The following ACTN4 variants were observed in gnomAD, a reference collection of about 807,000 sequenced individuals.
ACTN4 encodes the protein actinin alpha 4.
A neutral mutation model predicts 114.2 loss-of-function variants in ACTN4; 18 were observed. The observed-to-expected ratio is 0.16, with a 90% CI of 0.11 to 0.23. ACTN4 has a LOEUF of 0.23. Ranked by LOEUF, ACTN4 falls within the 10% of genes least tolerant of loss-of-function variation. The pLI is 1.00. For synonymous variants in ACTN4, 515 were observed against 506.3 expected (o/e 1.02, Z -0.23); for missense variants, 722 against 1,262.9 (o/e 0.57, Z 6.49).
rs1432259087 is a variant in ACTN4, at chr19:38,709,417, A to G, written c.674A>G (p.Asn225Ser). ...LRKDDPVTNL[N>S]NAFEVAEKYL... ...TAGGACGACCCTGTCACCAACCTGA[A>G]CAATGCCTTCGAAGTGGCTGAGAAA... is the stretch of plus-strand genomic sequence containing the variant. The change falls in exon 7 of 21, where the codon AAC becomes AGC. Residue 225 changes from asparagine (N) to serine (S), a missense_variant. This residue lies in a region of ACTN4 where 127 missense variants were observed against 311.3 expected (regional missense o/e 0.41). Transcript: ENST00000252699. 6.2e-7 allele frequency: 1 copy of G among 1,614,036 alleles called. No individual in the cohort carries two copies. The highest frequency in any genetic ancestry group is 8.5e-7 in the Non-Finnish European group (1 of 1,180,018).
Position 38,727,125 on chromosome 19 carries a change from C to T in ACTN4, c.2337+22C>T, listed in dbSNP as rs1415497516. 6.3e-5 allele frequency: 101 copies of T among 1,613,378 alleles called. 1 individual carries two copies. Among genetic ancestry groups the T allele is most frequent in the Non-Finnish European group, 8.3e-5 (98 of 1,179,920 alleles). ...CAAGGTGAGCAGCCTGCCACCTCCTCGGCCTCTCCCCTCCCGCCGTTGCCG... is the reference window on the plus strand; with the variant it reads ...CAAGGTGAGCAGCCTGCCACCTCCTTGGCCTCTCCCCTCCCGCCGTTGCCG... On this transcript the variant is annotated intron_variant, in intron 18 of 20. Coordinates refer to ENST00000252699, the MANE Select transcript of ACTN4 (RefSeq NM_004924.6). This position sits in a 1 kb window ranked among gnomAD's most constrained non-coding sequence, Gnocchi z 5.4.
chr19:38,708,879 A>C (rs1968549362), intron 6 of ACTN4, among the ~76,000 whole-genome samples: 1 of 152,210 alleles, frequency 6.6e-6, no homozygotes, highest in African/African-American at 2.4e-5. Context: ...CGTTCCAGCC[A>C]CAGTGAGCAA....
chr19:38,651,946 C>T (rs1260295629), intron 1 of ACTN4, among the ~76,000 whole-genome samples: 1 of 152,078 alleles, frequency 6.6e-6, no homozygotes, highest in Non-Finnish European at 1.5e-5. Context: ...GTTGGCCAGG[C>T]TGGTCTGAAA....
intron 1 of ACTN4, among the ~76,000 whole-genome samples, chr19:38,692,562 C>T (rs560712458): frequency 1.6e-3 from 237 of 152,336 alleles, no homozygotes; most frequent in Non-Finnish European, 2.9e-3. Context: ...AACCCAGATT[C>T]CAGAAGGCTT....
intron 1 of ACTN4, among the ~76,000 whole-genome samples, chr19:38,680,144 G>T (rs1967510730): frequency 6.7e-6 from 1 of 149,344 alleles, no homozygotes; most frequent in African/African-American, 2.5e-5. Context: ...TGAGGTCTTT[G>T]ATGGAGCAAC....
chr19:38,686,344 C>T (rs1228525925), intron 1 of ACTN4, among the ~76,000 whole-genome samples: 1 of 152,196 alleles, frequency 6.6e-6, no homozygotes, highest in East Asian at 1.9e-4. Context: ...TTTGAAAGAT[C>T]AAAGTTTAAA....
In ACTN4 at chr19:38,658,582, G is replaced by A. The variant is rs187642005; in HGVS notation, c.162+10675G>A. Among the ~76,000 whole-genome samples, 196 of 152,252 alleles carry A rather than the reference G, an allele frequency of 1.3e-3. 4 individuals are homozygous for A. The South Asian group carries it at 0.027, about 21-fold the overall frequency. ...ACAAAGTGCTTCTTTGGCTGTTACT[G>A]GTATGCCTTGCATTTGGAAGGGTCA... On this transcript the variant is annotated intron_variant, in intron 1 of 20. Coordinates refer to ENST00000252699, the MANE Select transcript of ACTN4 (RefSeq NM_004924.6).
chr19:38,673,747 ATATATATT>A (rs1568691116), intron 1 of ACTN4, among the ~76,000 whole-genome samples: 17 of 88,312 alleles, frequency 1.9e-4, no homozygotes, highest in Admixed American at 4.4e-4. Flanking sequence ...TTATATATTT[ATATATATT>A]TTTATATATA....
intron 7 of ACTN4, among the ~76,000 whole-genome samples, chr19:38,710,053 T>G (rs1481541126): frequency 6.6e-6 from 1 of 152,124 alleles, no homozygotes; most frequent in East Asian, 1.9e-4. Flanking sequence ...GGCCTCATTT[T>G]AATCCGCTTC....
intron 1 of ACTN4, among the ~76,000 whole-genome samples, chr19:38,668,959 C>T (rs553486095): frequency 1.3e-5 from 2 of 152,144 alleles, no homozygotes; most frequent in East Asian, 3.9e-4. Flanking sequence ...TTCGTAGGCT[C>T]CCCAGGGCTG....
Position 38,729,020 on chromosome 19 carries a change from A to T in ACTN4, c.2443A>T (p.Met815Leu). 1 of 1,613,422 alleles carries T rather than the reference A, an allele frequency of 6.2e-7. No homozygotes were observed. The highest frequency in any genetic ancestry group is 8.5e-7 in the Non-Finnish European group (1 of 1,180,014). Reference protein sequence around the residue: ...RQGEAEFNRIMSLVDPNHSGL... With the variant: ...RQGEAEFNRILSLVDPNHSGL... ...GGGTGAGGCCGAGTTCAACCGCATC[A>T]TGAGCCTGGTCGACCCCAACCATAG... Residue 815 changes from methionine to leucine, a missense_variant, in exon 20 of 21, where the codon ATG becomes TTG. This residue lies in a region of ACTN4 where 523 missense variants were observed against 875.9 expected (regional missense o/e 0.60). Transcript: ENST00000252699.
At chr19:38,686,966 T>TC (rs1491535752) in intron 1 of ACTN4, among the ~76,000 whole-genome samples, 3 of 45,378 alleles carry the variant, frequency 6.6e-5, no homozygotes, top group South Asian at 7.8e-4. Context: ...GCAGAGTCTC[T>TC]TTTTTTTTTT....
At chr19:38,668,076 A>C (rs1350222432) in intron 1 of ACTN4, among the ~76,000 whole-genome samples, 2 of 152,156 alleles carry the variant, frequency 1.3e-5, no homozygotes, top group Non-Finnish European at 1.5e-5. Flanking sequence ...TACTCAGATG[A>C]GGTTGTAATG....
At chr19:38,673,507 GA>G (rs1967215768) in intron 1 of ACTN4, among the ~76,000 whole-genome samples, 1 of 56,776 alleles carries the variant, frequency 1.8e-5, no homozygotes, top group African/African-American at 7.0e-5. Flanking sequence ...TTATATATAT[GA>G]ATATATATTT....
intron 1 of ACTN4, among the ~76,000 whole-genome samples, chr19:38,673,106 C>A (rs1171137329): frequency 2.0e-5 from 3 of 151,126 alleles, no homozygotes; most frequent in African/African-American, 4.9e-5. Flanking sequence ...CCATGCCTGG[C>A]CAGTTTTTGT....
intron 8 of ACTN4, among the ~76,000 whole-genome samples, chr19:38,713,725 C>T (rs922860080): frequency 2.4e-4 from 36 of 152,248 alleles, no homozygotes; most frequent in Non-Finnish European, 1.3e-4. Flanking sequence ...CTCACTCTTT[C>T]TGTTCCTGTT....
rs141958185 is a variant in ACTN4 at position 38,680,059 on chromosome 19, T to C, written c.163-20541T>C. On this transcript the variant is annotated intron_variant, in intron 1 of 20. Transcript: ENST00000252699. ...ACCCCATCTGTGGGGATGATGCCCA[T>C]GCCTGTAGTCCTGACTCACTCACCA... is the stretch of plus-strand genomic sequence containing the variant. Among the ~76,000 whole-genome samples the C allele has an allele frequency of 1.3e-3, 191 of 152,162 alleles. 4 individuals carry two copies. In the South Asian group the frequency reaches 0.026, roughly 21 times the overall value.
chr19:38,721,390 A>G (rs2145080430), intron 11 of ACTN4, 148 bp from the exon 12 acceptor site: 14 of 973,242 alleles, frequency 1.4e-5, no homozygotes, highest in Non-Finnish European at 1.9e-5. Flanking sequence ...ACGGAAGAAG[A>G]TTCTGGAAGT....
chr19:38,726,962 C>T lies in ACTN4; in HGVS notation c.2196C>T (p.Ile732=), dbSNP rs1212815952. Residue 732 remains isoleucine (I), a synonymous_variant, in exon 18 of 21, where the codon ATC becomes ATT. Coordinates refer to ENST00000252699, the MANE Select transcript of ACTN4 (RefSeq NM_004924.6). ...ACGCCCCCGTCTTTCCGCAGCACAT[C>T]CGCGTGGGCTGGGAGCAGCTGCTCA... ...NKHTNYTMEH[I]RVGWEQLLTT... 1 of 1,613,986 alleles carries T rather than the reference C, an allele frequency of 6.2e-7. No homozygotes were observed. Among genetic ancestry groups the T allele is most frequent in the East Asian group, 2.2e-5 (1 of 44,882 alleles).
Sources: allele counts gnomAD v4.1 joint callset (sites outside exome capture counted in the v4.1 genomes callset), GRCh38; gene constraint gnomAD v4.1.1; regional missense constraint gnomAD v4.1.1; non-coding constraint Gnocchi (gnomAD v3.1); transcripts MANE v1.5; gene names NCBI Gene and HGNC (gene_info 2026-07-23, HGNC 2026-07-21).